EHD2: variants seen among roughly 807,000 people sequenced by gnomAD.
EHD2 encodes EH domain containing 2, also known as EH domain-containing protein 2.
EHD2 carries 27 observed loss-of-function variants against 41.0 expected under a neutral mutation model. That is an observed-to-expected ratio of 0.66 (90% CI 0.49 to 0.91). EHD2 has a LOEUF of 0.91. Ranked by LOEUF, EHD2 falls within the 40% of genes least tolerant of loss-of-function variation. The pLI is 0.00. For synonymous variants in EHD2, 342 were observed against 341.0 expected, an observed-to-expected ratio of 1.00 and a Z score of -0.03; for missense variants, 673 against 773.9, an observed-to-expected ratio of 0.87 and a Z score of 1.55.
At chr19:47,731,313 T>TATATATATAA (rs1973813340) in intron 4 of EHD2, 1 of 108,712 alleles carries the variant, frequency 9.2e-6, no homozygotes, top group Non-Finnish European at 2.1e-5. Context: ...CATATATATA[T>TATATATATAA]AATTTTTTTT....
At chr19:47,724,662 T>C (rs1973730646) in intron 3 of EHD2, among the ~76,000 whole-genome samples, 1 of 152,166 alleles carries the variant, frequency 6.6e-6, no homozygotes, top group African/African-American at 2.4e-5. Flanking sequence ...GGGTGCTTCA[T>C]AAGAGCAAGA....
intron 3 of EHD2, 60 bp from the exon 4 acceptor site, chr19:47,725,752 C>T: frequency 6.6e-7 from 1 of 1,524,550 alleles, no homozygotes; most frequent in Non-Finnish European, 8.8e-7. Context: ...CTGAGAATGG[C>T]TGGAGGGTGG....
chr19:47,738,189 C>G (rs1258424410), intron 5 of EHD2, among the ~76,000 whole-genome samples: 2 of 151,836 alleles, frequency 1.3e-5, no homozygotes, highest in African/African-American at 4.8e-5. Context: ...ACCAAGAACA[C>G]TTTCTAGAAC....
chr19:47,719,544 C>T lies in EHD2; in HGVS notation c.502+938C>T, dbSNP rs1438564552. ...CCCACAGATCTGTGTCCCCCACCCC[C>T]CATGGCCTTGGAGGCCCAGAACTGG... On this transcript the variant is annotated intron_variant, in intron 3 of 5. Transcript: ENST00000263277. The surrounding 1 kb of genome is among the most constrained non-coding windows in gnomAD (Gnocchi z 4.1). Among the ~76,000 whole-genome samples the T allele has an allele frequency of 6.6e-6, 1 of 152,162 alleles. No homozygotes were observed. The highest frequency in any genetic ancestry group is 2.4e-5 in the African/African-American group (1 of 41,452).
chr19:47,725,785 G>GC, intron 3 of EHD2, 27 bp from the exon 4 acceptor site: 1 of 1,553,916 alleles, frequency 6.4e-7, no homozygotes, highest in Non-Finnish European at 8.7e-7. Flanking sequence ...TGCCCCTTGC[G>GC]CCCCTGTCTC....
chr19:47,731,279 A>AAAATTATAT, intron 4 of EHD2: 17 of 60,926 alleles, frequency 2.8e-4, no homozygotes, highest in African/African-American at 3.9e-4. Context: ...AAAAAAAAAA[A>AAAATTATAT]ATATATATAT....
intron 3 of EHD2, among the ~76,000 whole-genome samples, chr19:47,723,677 C>G (rs1463662097): frequency 7.5e-6 from 1 of 134,002 alleles, no homozygotes; most frequent in Admixed American, 7.4e-5. Flanking sequence ...AAAAAAAGCT[C>G]AACCATTTTT....
Position 47,742,558 on chromosome 19 carries a change from C to G in EHD2, c.*1126C>G, listed in dbSNP as rs1967003392. On this transcript the variant is annotated 3_prime_UTR_variant, in exon 6 of 6. Transcript: ENST00000263277. ...AAGTGATGGGATTACAGGCATGAGCCACCGTGCCCGGCTTCACACCCATTT... is the reference window on the plus strand; with the variant it reads ...AAGTGATGGGATTACAGGCATGAGCGACCGTGCCCGGCTTCACACCCATTT... 2.0e-5 allele frequency: 3 copies of G among 153,836 alleles called. No homozygotes were observed. The highest frequency in any genetic ancestry group is 1.3e-4 in the Admixed American group (2 of 15,316). 9.5% of individuals were successfully genotyped at this position (153,836 alleles called of 1,614,324 possible). A position where few individuals can be genotyped will look rare whatever the true frequency, so the allele number is the denominator to read the frequency against.
At chr19:47,733,771 A>C (rs1477982987) in intron 4 of EHD2, among the ~76,000 whole-genome samples, 1 of 149,786 alleles carries the variant, frequency 6.7e-6, no homozygotes, top group Non-Finnish European at 1.5e-5. Flanking sequence ...AAAAAAAAAA[A>C]AAAATCCACT....
chr19:47,717,800 C>T (rs940233055), intron 2 of EHD2, among the ~76,000 whole-genome samples: 3 of 149,652 alleles, frequency 2.0e-5, no homozygotes, highest in Non-Finnish European at 4.4e-5. Context: ...CCCAGCTACT[C>T]GGGAGGCTGA....
chr19:47,732,782 C>G (rs368542767), intron 4 of EHD2, among the ~76,000 whole-genome samples: 1 of 151,844 alleles, frequency 6.6e-6, no homozygotes, highest in African/African-American at 2.4e-5. Flanking sequence ...GTTTATTTTT[C>G]GATAATTTAT....
intron 4 of EHD2, among the ~76,000 whole-genome samples, chr19:47,728,494 C>T (rs1973774785): frequency 6.6e-6 from 1 of 151,628 alleles, no homozygotes; most frequent in South Asian, 2.1e-4. Context: ...TTCCTTTCTT[C>T]TCCTCTCCTC....
chr19:47,730,984 T>G (rs1973801141), intron 4 of EHD2, among the ~76,000 whole-genome samples: 1 of 151,508 alleles, frequency 6.6e-6, no homozygotes. Context: ...TGAAGAAAAA[T>G]GAAGCGGAGG....
chr19:47,726,398 C>G, intron 4 of EHD2, 174 bp downstream of exon 4: 2 of 650,976 alleles, frequency 3.1e-6, no homozygotes, highest in Non-Finnish European at 4.6e-6. Flanking sequence ...GAGACTCATT[C>G]CTCTGCCTTT....
chr19:47,718,822 G>A (rs1334913056), intron 3 of EHD2, among the ~76,000 whole-genome samples: 10 of 145,948 alleles, frequency 6.9e-5, no homozygotes, highest in African/African-American at 5.3e-5. Flanking sequence ...AGGGAGGAGG[G>A]GCTGGGGGCC....
chr19:47,715,074 TAAATAAAA>T (rs1028684294), intron 1 of EHD2, among the ~76,000 whole-genome samples: 10 of 145,466 alleles, frequency 6.9e-5, no homozygotes, highest in African/African-American at 2.5e-4. Flanking sequence ...AATAAATAAA[TAAATAAAA>T]AGAAAGAAAA....
At chr19:47,715,773 G>A (rs1355104359) in intron 1 of EHD2, among the ~76,000 whole-genome samples, 1 of 151,936 alleles carries the variant, frequency 6.6e-6, no homozygotes, top group Admixed American at 6.6e-5. Context: ...CAGCTGGTTC[G>A]CTACGATCTC....
intron 3 of EHD2, among the ~76,000 whole-genome samples, chr19:47,720,746 T>C (rs1412493607): frequency 1.3e-5 from 2 of 152,180 alleles, no homozygotes; most frequent in Admixed American, 1.3e-4. Context: ...TGTGGCTGCA[T>C]GGGGCGGTCA....
At position 47,733,751 on chromosome 19, in the gene EHD2, C is replaced by CAAAAAAAAAAAAAAAAAAAAAAAAA. The variant is rs34254815; in HGVS notation, c.916-2594_916-2593insAAAAAAAAAAAAAAAAAAAAAAAAA. 1.4e-4 allele frequency among the ~76,000 whole-genome samples: 8 copies of CAAAAAAAAAAAAAAAAAAAAAAAAA among 57,114 alleles called. 1 individual carries two copies. The highest frequency in any genetic ancestry group is 1.6e-3 in the East Asian group (2 of 1,232). 37.5% of individuals were successfully genotyped at this position (57,114 alleles called of 152,430 possible). A position where few individuals can be genotyped will look rare whatever the true frequency, so the allele number is the denominator to read the frequency against. The stretch of plus-strand genomic sequence containing the variant: ...TGGGTGACAGAGCAAGACTCTGTCT[C>CAAAAAAAAAAAAAAAAAAAAAAAAA]AAAAAAAAAAAAAAAAAAAAAAAAT... On this transcript the variant is annotated intron_variant, in intron 4 of 5. Transcript: ENST00000263277.
Sources: allele counts gnomAD v4.1 joint callset (sites outside exome capture counted in the v4.1 genomes callset), GRCh38; gene constraint gnomAD v4.1.1; non-coding constraint Gnocchi (gnomAD v3.1); transcripts MANE v1.5; gene names NCBI Gene and HGNC (gene_info 2026-07-23, HGNC 2026-07-21).